OR11A1: variants seen among roughly 807,000 people sequenced by gnomAD.
The protein encoded by OR11A1 is olfactory receptor 11A1.
For synonymous variants in OR11A1, 158 were observed against 152.2 expected (o/e 1.04, Z -0.28); for missense variants, 380 against 378.2 (o/e 1.00, Z -0.04).
chr6:29,455,446 T>C (rs1302655683), intron 1 of OR11A1, among the ~76,000 whole-genome samples: 1 of 152,184 alleles, frequency 6.6e-6, no homozygotes, highest in African/African-American at 2.4e-5. Context: ...TACTGTGAGA[T>C]TAATAAGTCT....
intron 1 of OR11A1, among the ~76,000 whole-genome samples, chr6:29,448,886 CTT>C (rs1228314054): frequency 1.3e-5 from 2 of 152,208 alleles, no homozygotes; most frequent in Non-Finnish European, 2.9e-5. Flanking sequence ...TCTCCCAACA[CTT>C]TTCTTGCCTT....
At chr6:29,440,198 C>T (rs11755177) in intron 1 of OR11A1, 22,518 of 1,613,834 alleles carry the variant, frequency 0.014, 646 homozygotes, top group African/African-American at 0.12. Context: ...TGTACTTCTT[C>T]CTGCGCACCC....
chr6:29,440,482 T>G, intron 1 of OR11A1: 2 of 1,613,492 alleles, frequency 1.2e-6, no homozygotes, highest in Non-Finnish European at 1.7e-6. Flanking sequence ...CTGGTGGGGC[T>G]GGGCCACACC....
At chr6:29,445,615 C>T (rs1361712900) in intron 1 of OR11A1, among the ~76,000 whole-genome samples, 1 of 152,176 alleles carries the variant, frequency 6.6e-6, no homozygotes, top group African/African-American at 2.4e-5. Flanking sequence ...CCTGTGGCAG[C>T]ATGGTCCCCC....
chr6:29,440,058 G>A (rs762428895), intron 1 of OR11A1: 11 of 1,613,058 alleles, frequency 6.8e-6, no homozygotes, highest in East Asian at 2.2e-5. Flanking sequence ...TCTTCTTCTC[G>A]GCTTCTCCCA....
chr6:29,426,767 G>T lies in OR11A1; in HGVS notation c.875C>A (p.Thr292Asn), dbSNP rs1782840043. ...VTPLFNPVIY[T>N]MRNKEVHQAL... ...CTGATGCACCTCCTTGTTCCTCATGGTATAGATCACAGGATTGAAGAGAGG... is the reference window on the plus strand; with the variant it reads ...CTGATGCACCTCCTTGTTCCTCATGTTATAGATCACAGGATTGAAGAGAGG... The change falls in exon 5 of 5, where the codon ACC becomes AAC. Residue 292 changes from threonine to asparagine, a missense_variant. Transcript: ENST00000377149. The T allele has an allele frequency of 6.2e-7, 1 of 1,613,028 alleles. No homozygotes were observed. Among genetic ancestry groups the T allele is most frequent in the African/African-American group, 1.3e-5 (1 of 75,014 alleles).
chr6:29,439,942 C>G, intron 1 of OR11A1: 1 of 1,141,778 alleles, frequency 8.8e-7, no homozygotes, highest in Non-Finnish European at 1.3e-6. Context: ...TCATCTTTGC[C>G]CATTTCACGA....
intron 1 of OR11A1, chr6:29,450,310 C>T (rs1325588949): frequency 6.6e-6 from 1 of 152,264 alleles, no homozygotes; most frequent in Non-Finnish European, 1.5e-5. Flanking sequence ...CCTGCTGGGT[C>T]ATCCCTCACA....
At chr6:29,432,646 T>A (rs1482101807) in intron 1 of OR11A1, among the ~76,000 whole-genome samples, 1 of 152,196 alleles carries the variant, frequency 6.6e-6, no homozygotes, top group East Asian at 1.9e-4. Flanking sequence ...GACGTTGAAA[T>A]GGTTATGTAG....
intron 1 of OR11A1, chr6:29,440,861 C>T (rs985377424): frequency 6.2e-7 from 1 of 1,613,874 alleles, no homozygotes; most frequent in Non-Finnish European, 8.5e-7. Context: ...TGGTCACCCC[C>T]ATCCTCAACC....
intron 1 of OR11A1, among the ~76,000 whole-genome samples, chr6:29,433,482 T>G (rs1220091460): frequency 6.6e-6 from 1 of 152,200 alleles, no homozygotes; most frequent in African/African-American, 2.4e-5. Context: ...TCCTCCAGAT[T>G]CATCCATGTT....
intron 2 of OR11A1, among the ~76,000 whole-genome samples, chr6:29,430,722 C>G (rs1783171113): frequency 6.6e-6 from 1 of 152,144 alleles, no homozygotes; most frequent in Admixed American, 6.6e-5. Flanking sequence ...TGCACACTAT[C>G]TGTGTGATGG....
intron 1 of OR11A1, among the ~76,000 whole-genome samples, chr6:29,450,965 A>G (rs1206277166): frequency 6.6e-6 from 1 of 152,246 alleles, no homozygotes; most frequent in Non-Finnish European, 1.5e-5. Flanking sequence ...TTCAAGCTAT[A>G]CTACAAGGTT....
chr6:29,429,220 G>C (rs536506720), intron 3 of OR11A1, among the ~76,000 whole-genome samples: 2 of 152,134 alleles, frequency 1.3e-5, no homozygotes, highest in Non-Finnish European at 2.9e-5. Context: ...GAGCCTTCAC[G>C]GCACACTGTT....
intron 1 of OR11A1, among the ~76,000 whole-genome samples, chr6:29,446,605 T>A (rs1211889869): frequency 6.6e-6 from 1 of 152,152 alleles, no homozygotes; most frequent in Non-Finnish European, 1.5e-5. Flanking sequence ...TGGATATAGT[T>A]AGAGAAACAA....
Position 29,429,632 on chromosome 6 carries a change from G to A in OR11A1, c.-140+669C>T, listed in dbSNP as rs374409702. On this transcript the variant is annotated intron_variant, in intron 3 of 4. Coordinates refer to ENST00000377149, the MANE Select transcript of OR11A1 (RefSeq NM_001394828.1). ...GAAAATGGAAAGAATGGAGGTGAGG[G>A]CATTTTAGGTAAAAGGAAAACCATG... Among the ~76,000 whole-genome samples, 58 of 152,284 alleles carry A rather than the reference G, an allele frequency of 3.8e-4. 1 individual carries two copies. The South Asian group carries it at 9.7e-3, about 26-fold the overall frequency.
In OR11A1 at chr6:29,426,906, G is replaced by A. The variant is rs1248383601; in HGVS notation, c.736C>T (p.Leu246=). Residue 246 remains leucine (L), a synonymous_variant, in exon 5 of 5, where the codon CTA becomes TTA. Coordinates refer to ENST00000377149, the MANE Select transcript of OR11A1 (RefSeq NM_001394828.1). ...RRAFSTCSSH[L]AVVTTFYGTL... ...CCATAGAATGTGGTCACTACAGCTAGGTGGGAGGAGCATGTGGAGAAAGCC... is the reference window on the plus strand; with the variant it reads ...CCATAGAATGTGGTCACTACAGCTAAGTGGGAGGAGCATGTGGAGAAAGCC... The A allele has an allele frequency of 2.5e-6, 4 of 1,613,052 alleles. No individual in the cohort carries two copies. Among genetic ancestry groups the A allele is most frequent in the Admixed American group, 1.7e-5 (1 of 60,022 alleles).
chr6:29,452,087 A>G (rs1785466781), intron 1 of OR11A1, among the ~76,000 whole-genome samples: 1 of 152,204 alleles, frequency 6.6e-6, no homozygotes, highest in South Asian at 2.1e-4. Flanking sequence ...TGGAAAACCA[A>G]ATGCTGCATG....
At chr6:29,439,303 A>C (rs1457989464) in intron 1 of OR11A1, 1 of 152,216 alleles carries the variant, frequency 6.6e-6, no homozygotes, top group Non-Finnish European at 1.5e-5. Flanking sequence ...AGTCTGTAAG[A>C]TGCAGAAATA....
Sources: gnomAD v4.1 joint callset for allele counts (sites outside exome capture counted in the v4.1 genomes callset) on GRCh38, gnomAD v4.1.1 for gene constraint, MANE v1.5 for transcripts, NCBI Gene and HGNC (gene_info 2026-07-23, HGNC 2026-07-21) for gene names.